Variants in SLC30A5 observed in about 807,000 individuals in gnomAD.
SLC30A5 encodes solute carrier family 30 member 5.
Under a neutral mutation model 79.6 loss-of-function variants are expected in SLC30A5, and 33 were observed. The ratio of observed to expected loss-of-function variants is 0.41; its 90% CI spans 0.31 to 0.55. SLC30A5 has a LOEUF of 0.55. Ranked by LOEUF, SLC30A5 falls within the 20% of genes least tolerant of loss-of-function variation. The probability of loss-of-function intolerance (pLI) is 0.20; values close to 1 mark genes in which losing one functional copy is unlikely to be tolerated. For synonymous variants in SLC30A5, 299 were observed against 319.7 expected (o/e 0.94, Z 0.69); for missense variants, 788 against 928.1 (o/e 0.85, Z 1.96).
chr5:69,115,135 G>GAAA (rs60614154), intron 7 of SLC30A5, 102 bp from the exon 8 acceptor site: 235 of 539,500 alleles, frequency 4.4e-4, no homozygotes, highest in South Asian at 1.4e-3. Flanking sequence ...TGTCTCTGGG[G>GAAA]AAAAAAAAAA....
At chr5:69,098,675 T>C (rs1030042319) in intron 1 of SLC30A5, among the ~76,000 whole-genome samples, 1 of 152,238 alleles carries the variant, frequency 6.6e-6, no homozygotes, top group African/African-American at 2.4e-5. Context: ...CAACTCGGAC[T>C]ACCAGCTTAT....
intron 14 of SLC30A5, 108 bp downstream of exon 14, chr5:69,123,533 CA>C (rs1561298657): frequency 5.0e-6 from 4 of 795,630 alleles, no homozygotes; most frequent in Non-Finnish European, 6.0e-6. Context: ...AAAACGAGGC[CA>C]AAAAAGAAAT....
intron 14 of SLC30A5, 51 bp downstream of exon 14, chr5:69,123,476 G>T: frequency 6.9e-7 from 1 of 1,440,618 alleles, no homozygotes; most frequent in South Asian, 1.2e-5. Context: ...TCACATTTTT[G>T]AAGTCTTTGC....
chr5:69,124,372 AT>A (rs1746619596), intron 14 of SLC30A5, among the ~76,000 whole-genome samples: 1 of 152,150 alleles, frequency 6.6e-6, no homozygotes, highest in African/African-American at 2.4e-5. Context: ...CCAGGAGTTT[AT>A]GGAATTCAGT....
At chr5:69,096,992 A>C (rs1226439691) in intron 1 of SLC30A5, among the ~76,000 whole-genome samples, 1 of 150,668 alleles carries the variant, frequency 6.6e-6, no homozygotes, top group Admixed American at 6.6e-5. Context: ...CCCCAAAAAA[A>C]CCCCCACAAA....
At position 69,113,133 on chromosome 5, in the gene SLC30A5, T is replaced by C; in HGVS notation, c.448-7T>C. ...GTCATCCTTGATGTTGTTTTCTTTATTTTCAGACAAGGGGAGCTGCTTTTT... is the reference window on the plus strand; with the variant it reads ...GTCATCCTTGATGTTGTTTTCTTTACTTTCAGACAAGGGGAGCTGCTTTTT... On this transcript the variant is annotated splice_region_variant and splice_polypyrimidine_tract_variant and intron_variant, in intron 5 of 15. Coordinates refer to ENST00000396591, the MANE Select transcript of SLC30A5 (RefSeq NM_022902.5). The C allele has an allele frequency of 6.2e-7, 1 of 1,610,606 alleles. No homozygotes were observed. Among genetic ancestry groups the C allele is most frequent in the Non-Finnish European group, 8.5e-7 (1 of 1,178,764 alleles).
At chr5:69,099,685 CTTAACA>C (rs1442792953) in intron 1 of SLC30A5, among the ~76,000 whole-genome samples, 1 of 152,144 alleles carries the variant, frequency 6.6e-6, no homozygotes, top group Non-Finnish European at 1.5e-5. Context: ...ACTGTAGTCA[CTTAACA>C]AGGCCAAGGA....
chr5:69,116,512 A>G lies in SLC30A5; in HGVS notation c.1191A>G (p.Gln397=), dbSNP rs755174061. 5.0e-6 allele frequency: 8 copies of G among 1,612,784 alleles called. No individual in the cohort carries two copies. Among genetic ancestry groups the G allele is most frequent in the Middle Eastern group, 1.7e-4 (1 of 6,056 alleles). ...GTGATGCTTTTCAGCATAGCTCTCA[A>G]TCGATCCCTAGGTTTATTAAGGAAT... ...FMGDAFQHSS[Q]SIPRFIKESL... The change falls in exon 10 of 16, where the codon CAA becomes CAG. Residue 397 remains glutamine, a synonymous_variant. Coordinates refer to ENST00000396591, the MANE Select transcript of SLC30A5 (RefSeq NM_022902.5). The surrounding 1 kb of genome is among the most constrained non-coding windows in gnomAD (Gnocchi z 4.0).
intron 11 of SLC30A5, among the ~76,000 whole-genome samples, chr5:69,118,176 C>CA (rs376300891): frequency 0.34 from 28,439 of 83,156 alleles, 3,705 homozygotes; most frequent in African/African-American, 0.44. Context: ...GACTCTGTCT[C>CA]AAAAAAAAAA....
intron 6 of SLC30A5, 97 bp downstream of exon 6, chr5:69,113,324 CA>C: frequency 2.5e-6 from 2 of 805,878 alleles, no homozygotes; most frequent in Non-Finnish European, 3.9e-6. Flanking sequence ...TTAAACTGAT[CA>C]ATGATGAATG....
intron 5 of SLC30A5, 57 bp from the exon 6 acceptor site, chr5:69,113,083 G>A (rs1746274919): frequency 5.9e-6 from 8 of 1,359,394 alleles, no homozygotes; most frequent in Non-Finnish European, 8.3e-6. Flanking sequence ...TGTAGTTACG[G>A]TCTTAAAAAT....
chr5:69,121,626 A>G lies in SLC30A5; in HGVS notation c.1570-68A>G, dbSNP rs1011271587. On this transcript the variant is annotated intron_variant, in intron 12 of 15. Transcript: ENST00000396591. ...ACAGAAAAACATATATAGCTATATA[A>G]TAACTTTTAAATAACAAGTCTATTT... 2.2e-5 allele frequency: 25 copies of G among 1,131,632 alleles called. No individual in the cohort carries two copies. The African/African-American group carries it at 3.6e-4, about 16-fold the overall frequency. 70.1% of individuals were successfully genotyped at this position (1,131,632 alleles called of 1,614,324 possible).
At chr5:69,127,964 A>G in intron 14 of SLC30A5, 40 bp from the exon 15 acceptor site, 1 of 1,563,204 alleles carries the variant, frequency 6.4e-7, no homozygotes, top group South Asian at 1.1e-5. Context: ...TGTGTAAAGT[A>G]GCCTGTATGA....
intron 12 of SLC30A5, among the ~76,000 whole-genome samples, chr5:69,119,772 C>T (rs1746485535): frequency 6.6e-6 from 1 of 152,098 alleles, no homozygotes; most frequent in South Asian, 2.1e-4. Context: ...GTAATCCCAG[C>T]ACTTTGGGAG....
rs2111994670 is a variant in SLC30A5, at chr5:69,123,275, T to G, written c.1848T>G (p.Phe616Leu). 1 of 1,614,148 alleles carries G rather than the reference T, an allele frequency of 6.2e-7. No individual in the cohort carries two copies. The highest frequency in any genetic ancestry group is 1.1e-5 in the South Asian group (1 of 91,090). The change falls in exon 14 of 16, where the codon TTT becomes TTG. Residue 616 changes from phenylalanine (F) to leucine (L), a missense_variant. Phe to Leu is a conservative substitution (Grantham distance 22). Around this residue, in one of 3 missense-constraint regions of SLC30A5, gnomAD observed 626 missense variants for 755.5 expected, o/e 0.83. Transcript: ENST00000396591. ...TATCCACAGTTCTTATAGAGCAGTT[T>G]GGATGGTTCATCGCTGACCCACTCT... ...VIVSTVLIEQ[F>L]GWFIADPLCS... is the part of the protein sequence containing the mutation.
At chr5:69,125,870 C>CAAAAAAAAAAAAAAAAAAAAAAAAAAAA (rs532994254) in intron 14 of SLC30A5, among the ~76,000 whole-genome samples, 16 of 54,196 alleles carry the variant, frequency 3.0e-4, no homozygotes, top group East Asian at 1.2e-3. Flanking sequence ...GACTCCGTCT[C>CAAAAAAAAAAAAAAAAAAAAAAAAAAAA]AAAAAAAAAA....
intron 12 of SLC30A5, among the ~76,000 whole-genome samples, chr5:69,121,138 G>C (rs1325423812): frequency 6.6e-6 from 1 of 151,920 alleles, no homozygotes; most frequent in East Asian, 1.9e-4. Flanking sequence ...CTCTACCAAA[G>C]AAAAAAATTT....
chr5:69,130,402 T>C lies in SLC30A5; in HGVS notation c.*785T>C, dbSNP rs1186481848. The stretch of plus-strand genomic sequence containing the variant: ...TTATATATTTGACATTCCAAGCTGC[T>C]TATCAAGCTGGTATCCAAGCAGTGG... On this transcript the variant is annotated 3_prime_UTR_variant, in exon 16 of 16. Coordinates refer to ENST00000396591, the MANE Select transcript of SLC30A5 (RefSeq NM_022902.5). The C allele has an allele frequency of 6.6e-6, 1 of 152,030 alleles. No individual in the cohort carries two copies. The highest frequency in any genetic ancestry group is 2.4e-5 in the African/African-American group (1 of 41,444). 9.4% of individuals were successfully genotyped at this position (152,030 alleles called of 1,614,324 possible).
intron 5 of SLC30A5, among the ~76,000 whole-genome samples, chr5:69,108,733 A>C (rs563362378): frequency 1.5e-3 from 223 of 151,182 alleles, no homozygotes; most frequent in African/African-American, 5.2e-3. Context: ...GAGGCATGAG[A>C]ATTGCTTGAA....
Sources: allele counts gnomAD v4.1 joint callset (sites outside exome capture counted in the v4.1 genomes callset), GRCh38; gene constraint gnomAD v4.1.1; regional missense constraint gnomAD v4.1.1; non-coding constraint Gnocchi (gnomAD v3.1); transcripts MANE v1.5; gene names NCBI Gene and HGNC (gene_info 2026-07-23, HGNC 2026-07-21).